FAM53A: variants seen among roughly 807,000 people sequenced by gnomAD.
FAM53A encodes the protein family with sequence similarity 53 member A.
Under a neutral mutation model 26.6 loss-of-function variants are expected in FAM53A, and 28 were observed. The ratio of observed to expected loss-of-function variants is 1.05; its 90% confidence interval spans 0.78 to 1.45. The LOEUF (loss-of-function observed/expected upper bound fraction) is 1.45. Ranked by LOEUF, FAM53A falls within the 40% of genes most tolerant of loss-of-function variation. The probability of loss-of-function intolerance (pLI) is 0.00; values close to 1 mark genes in which losing one functional copy is unlikely to be tolerated. For missense variants in FAM53A, 650 were observed against 575.8 expected, an observed-to-expected ratio of 1.13 and a Z score of -1.32; for synonymous variants, 290 against 253.1, an observed-to-expected ratio of 1.15 and a Z score of -1.38.
chr4:1,685,268 G>T (rs1197107629), upstream of FAM53A, among the ~76,000 whole-genome samples: 2 of 152,118 alleles, frequency 1.3e-5, no homozygotes, highest in African/African-American at 4.8e-5. Flanking sequence ...CCTGGCGAGG[G>T]GCCCCTGGGG....
chr4:1,584,231 C>T, the FAM53A span, among the ~76,000 whole-genome samples: 3 of 152,116 alleles, frequency 2.0e-5, no homozygotes, highest in Non-Finnish European at 4.4e-5. Context: ...CTTTTGGAGT[C>T]TTGCTTAAGA....
chr4:1,629,048 C>G (rs1676942932), intron 1 of FAM53A, among the ~76,000 whole-genome samples: 1 of 151,958 alleles, frequency 6.6e-6, no homozygotes, highest in African/African-American at 2.4e-5. Context: ...TCCTCTCACC[C>G]ACGTCCACCC....
At chr4:1,651,134 T>C (rs1712744788) in intron 4 of FAM53A, among the ~76,000 whole-genome samples, 1 of 151,190 alleles carries the variant, frequency 6.6e-6, no homozygotes, top group African/African-American at 2.4e-5. Context: ...GGAGAATCCC[T>C]TGGACCCAGG....
chr4:1,682,257 T>C (rs1031503977), intron 1 of FAM53A, among the ~76,000 whole-genome samples: 14 of 146,992 alleles, frequency 9.5e-5, no homozygotes, highest in Non-Finnish European at 1.8e-4. Flanking sequence ...TAAAAATTTT[T>C]AATTTCCTTT....
chr4:1,613,978 C>T (rs566832096), downstream of FAM53A, among the ~76,000 whole-genome samples: 12 of 152,266 alleles, frequency 7.9e-5, no homozygotes, highest in African/African-American at 2.9e-4. Flanking sequence ...CAGAGAACCC[C>T]GAAGAAGAAG....
chr4:1,646,587 C>A (rs1368901300), intron 4 of FAM53A, among the ~76,000 whole-genome samples: 5 of 152,188 alleles, frequency 3.3e-5, no homozygotes, highest in African/African-American at 4.8e-5. Flanking sequence ...GAGGCCCCCC[C>A]ATGGAGGACA....
At chr4:1,638,604 TG>T (rs1715954792), downstream of FAM53A, among the ~76,000 whole-genome samples, 1 of 151,534 alleles carries the variant, frequency 6.6e-6, no homozygotes, top group Non-Finnish European at 1.5e-5. Context: ...GGGGAAGCCC[TG>T]GGGGAAGGTG....
chr4:1,635,836 C>CTTTTTTT (rs141715501), downstream of FAM53A, among the ~76,000 whole-genome samples: 20 of 81,522 alleles, frequency 2.5e-4, no homozygotes, highest in East Asian at 4.0e-4. Context: ...AATACTAATT[C>CTTTTTTT]TTTTTTTTTT....
At chr4:1,664,233 G>A (rs1714061674) in intron 2 of FAM53A, among the ~76,000 whole-genome samples, 1 of 152,236 alleles carries the variant, frequency 6.6e-6, no homozygotes, top group Non-Finnish European at 1.5e-5. Flanking sequence ...ATCTTTTGGA[G>A]ATACAGAGTG....
chr4:1,677,466 G>A (rs758585091), intron 1 of FAM53A, among the ~76,000 whole-genome samples: 25 of 152,176 alleles, frequency 1.6e-4, no homozygotes, highest in African/African-American at 4.1e-4. Context: ...TGCCCATGTC[G>A]GGACCTGTCT....
At chr4:1,608,441 G>A in the FAM53A span, among the ~76,000 whole-genome samples, 5 of 152,204 alleles carry the variant, frequency 3.3e-5, no homozygotes, top group South Asian at 2.1e-4. Flanking sequence ...GCCCCTCCCC[G>A]CCCAGGCGCC....
chr4:1,579,226 CG>C, the FAM53A span, among the ~76,000 whole-genome samples: 2 of 150,416 alleles, frequency 1.3e-5, no homozygotes, highest in Non-Finnish European at 3.0e-5. Flanking sequence ...CCGCCATCCC[CG>C]CCCGAGGGTC....
chr4:1,611,796 G>A, the FAM53A span, among the ~76,000 whole-genome samples: 10 of 152,342 alleles, frequency 6.6e-5, no homozygotes, highest in African/African-American at 2.4e-4. Context: ...CTGCCAGGAG[G>A]TGGCCAGTGG....
intron 2 of FAM53A, among the ~76,000 whole-genome samples, chr4:1,661,461 G>A (rs1304772321): frequency 6.6e-6 from 1 of 152,182 alleles, no homozygotes; most frequent in Non-Finnish European, 1.5e-5. Flanking sequence ...AGCACAGCCA[G>A]TGCAGCACAG....
intron 1 of FAM53A, among the ~76,000 whole-genome samples, chr4:1,678,174 G>C (rs971573357): frequency 6.6e-6 from 1 of 152,146 alleles, no homozygotes; most frequent in African/African-American, 2.4e-5. Flanking sequence ...GGGCAACATA[G>C]CAAGACTCCA....
chr4:1,655,523 T>C lies in FAM53A; in HGVS notation c.337A>G (p.Thr113Ala), dbSNP rs775705796. The C allele has an allele frequency of 6.4e-7, 1 of 1,563,712 alleles. No homozygotes were observed. The highest frequency in any genetic ancestry group is 8.7e-7 in the Non-Finnish European group (1 of 1,154,502). ...VDPSESTGSS[T>A]APPTKRHCRS... is the part of the protein sequence containing the mutation. ...CAATGCCGCTTGGTCGGTGGGGCCG[T>C]GGACGAGCCTGTGCTTTCACTGGGG... The change falls in exon 4 of 5, where the codon ACG becomes GCG. Residue 113 changes from threonine to alanine, a missense_variant. Coordinates refer to ENST00000308132, the MANE Select transcript of FAM53A (RefSeq NM_001174070.3).
chr4:1,632,809 T>C (rs1322802222), intron 1 of FAM53A, among the ~76,000 whole-genome samples: 2 of 152,222 alleles, frequency 1.3e-5, no homozygotes, highest in Non-Finnish European at 2.9e-5. Flanking sequence ...CACATGCCCA[T>C]GTGCACACAG....
chr4:1,618,316 T>C (rs1330794467), intron 1 of FAM53A, among the ~76,000 whole-genome samples: 1 of 151,804 alleles, frequency 6.6e-6, no homozygotes, highest in Non-Finnish European at 1.5e-5. Context: ...GGTAGGCGGG[T>C]GAGTGAATGG....
intron 2 of FAM53A, among the ~76,000 whole-genome samples, chr4:1,667,746 C>A (rs1409765312): frequency 1.3e-5 from 2 of 152,204 alleles, no homozygotes; most frequent in African/African-American, 4.8e-5. Flanking sequence ...GCCCACGTCT[C>A]CAGAGCCACA....
Sources: gnomAD v4.1 joint callset for allele counts (sites outside exome capture counted in the v4.1 genomes callset) on GRCh38, gnomAD v4.1.1 for gene constraint, MANE v1.5 for transcripts, NCBI Gene and HGNC (gene_info 2026-07-23, HGNC 2026-07-21) for gene names.